The following FAIM2 variants were observed in gnomAD, a reference collection of about 807,000 sequenced individuals.
The protein encoded by FAIM2 is Fas apoptotic inhibitory molecule 2, also known as protein lifeguard 2.
FAIM2 carries 27 observed loss-of-function variants against 47.4 expected under a neutral mutation model. That is an observed-to-expected ratio of 0.57 (90% confidence interval 0.42 to 0.78). The LOEUF is 0.78. Among genes scored for constraint, FAIM2 ranks in the 30% least tolerant of loss-of-function variants. The pLI is 0.00. For missense variants in FAIM2, 311 were observed against 389.4 expected, an observed-to-expected ratio of 0.80 and a Z score of 1.69; for synonymous variants, 156 against 159.3, an observed-to-expected ratio of 0.98 and a Z score of 0.16.
rs74356067 is a variant in FAIM2, at chr12:49,895,027, G to C, written c.434+2004C>G. Among the ~76,000 whole-genome samples the C allele has an allele frequency of 2.8e-3, 420 of 151,476 alleles. 15 individuals are homozygous for C. In the East Asian group the frequency reaches 0.07, roughly 25 times the overall value. The stretch of plus-strand genomic sequence containing the variant: ...GGACTCAGACACGAGGCCAACTTAG[G>C]GGGCAGGACGGAGAGAGCTGAGGGG... On this transcript the variant is annotated intron_variant, in intron 5 of 11. Coordinates refer to ENST00000320634, the MANE Select transcript of FAIM2 (RefSeq NM_012306.4).
intron 2 of FAIM2, 90 bp downstream of exon 2, chr12:49,901,040 C>CT: frequency 1.9e-6 from 2 of 1,047,752 alleles, no homozygotes. Flanking sequence ...CAGTGTACCT[C>CT]TTTCTGGACA....
At chr12:49,871,918 G>A (rs1449984018) in intron 11 of FAIM2, among the ~76,000 whole-genome samples, 1 of 152,026 alleles carries the variant, frequency 6.6e-6, no homozygotes, top group African/African-American at 2.4e-5. Context: ...TGCCCGCCTC[G>A]GCCTCTCAAA....
At chr12:49,899,295 C>T (rs1268045362) in intron 2 of FAIM2, among the ~76,000 whole-genome samples, 1 of 152,154 alleles carries the variant, frequency 6.6e-6, no homozygotes, top group Non-Finnish European at 1.5e-5. Context: ...TTTTGTCCCT[C>T]CACTGTCCCC....
At chr12:49,887,790 C>T (rs541646834) in intron 10 of FAIM2, among the ~76,000 whole-genome samples, 5 of 152,252 alleles carry the variant, frequency 3.3e-5, no homozygotes, top group East Asian at 1.9e-4. Flanking sequence ...TCCCAGTGTG[C>T]GTTCATCCCT....
At chr12:49,878,600 G>GTGTGCATGTGTGTGCA (rs1565613367) in intron 11 of FAIM2, among the ~76,000 whole-genome samples, 2 of 124,328 alleles carry the variant, frequency 1.6e-5, no homozygotes, top group African/African-American at 6.7e-5. Flanking sequence ...GTATGTGTAT[G>GTGTGCATGTGTGTGCA]TGTGCATGTG....
intron 1 of FAIM2, among the ~76,000 whole-genome samples, chr12:49,903,323 T>G (rs1592797193): frequency 6.6e-6 from 1 of 151,038 alleles, no homozygotes; most frequent in Admixed American, 6.6e-5. Context: ...GGGAGTAGGG[T>G]GGGGGTTGTT....
In FAIM2 at chr12:49,874,969, A is replaced by G. The variant is rs1946725981; in HGVS notation, c.802-4316T>C. Among the ~76,000 whole-genome samples the G allele has an allele frequency of 6.6e-6, 1 of 152,206 alleles. No homozygotes were observed. The highest frequency in any genetic ancestry group is 2.1e-4 in the South Asian group (1 of 4,832). On this transcript the variant is annotated intron_variant, in intron 11 of 11. Coordinates refer to ENST00000320634, the MANE Select transcript of FAIM2 (RefSeq NM_012306.4). The surrounding 1 kb of genome is among the most constrained non-coding windows in gnomAD (Gnocchi z 4.2). Reference sequence around the variant, plus strand: ...CTATATCGTATGATCCCATAAAACTATACACGTCAGAGGAGCGCACATAGC... The same window carrying G: ...CTATATCGTATGATCCCATAAAACTGTACACGTCAGAGGAGCGCACATAGC...
At chr12:49,873,995 A>G (rs889117918) in intron 11 of FAIM2, among the ~76,000 whole-genome samples, 4 of 152,250 alleles carry the variant, frequency 2.6e-5, no homozygotes, top group African/African-American at 9.6e-5. Flanking sequence ...TACAGGGGAA[A>G]GTCATCTGCT....
At chr12:49,879,492 ATG>A (rs1946784948) in intron 11 of FAIM2, among the ~76,000 whole-genome samples, 1 of 9,648 alleles carries the variant, frequency 1.0e-4, no homozygotes, top group African/African-American at 1.1e-3. Flanking sequence ...ATGTGAGTGT[ATG>A]TGTGTATATG....
At chr12:49,871,638 G>A (rs1330465033) in intron 11 of FAIM2, among the ~76,000 whole-genome samples, 1 of 151,722 alleles carries the variant, frequency 6.6e-6, no homozygotes, top group Non-Finnish European at 1.5e-5. Flanking sequence ...ATCCACGTGG[G>A]ATTGGAATTT....
chr12:49,875,473 G>A (rs1030629773), intron 11 of FAIM2, among the ~76,000 whole-genome samples: 1 of 151,918 alleles, frequency 6.6e-6, no homozygotes, highest in African/African-American at 2.4e-5. Flanking sequence ...GGAGATCTGG[G>A]GCCCATTTCT....
chr12:49,872,570 C>A (rs940357783), intron 11 of FAIM2, among the ~76,000 whole-genome samples: 1 of 152,172 alleles, frequency 6.6e-6, no homozygotes. Context: ...GAATCCTAGT[C>A]GAATCCCAGC....
chr12:49,896,882 G>A (rs1396322473), intron 5 of FAIM2, 149 bp downstream of exon 5: 4 of 704,362 alleles, frequency 5.7e-6, no homozygotes, highest in Non-Finnish European at 1.0e-5. Context: ...CCGACAGAAT[G>A]GGGCAGGGTT....
chr12:49,900,248 A>G (rs1182721455), intron 2 of FAIM2: 1 of 1,274,852 alleles, frequency 7.8e-7, no homozygotes, highest in African/African-American at 1.5e-5. Flanking sequence ...CATGGTGGCT[A>G]CTCCCTATGA....
At chr12:49,879,022 ATGTG>A (rs1260264670) in intron 11 of FAIM2, among the ~76,000 whole-genome samples, 4 of 121,674 alleles carry the variant, frequency 3.3e-5, no homozygotes, top group South Asian at 2.9e-4. Context: ...GTGTATGTGT[ATGTG>A]TGTGTCTGTG....
chr12:49,878,386 ATATGTG>A lies in FAIM2; in HGVS notation c.802-7739_802-7734del, dbSNP rs146914644. 1.1e-4 allele frequency among the ~76,000 whole-genome samples: 3 copies of A among 26,124 alleles called. 1 individual carries two copies. In the South Asian group the frequency reaches 3.5e-3, roughly 31 times the overall value. 17.1% of individuals were successfully genotyped at this position (26,124 alleles called of 152,430 possible). On this transcript the variant is annotated intron_variant, in intron 11 of 11. Coordinates refer to ENST00000320634, the MANE Select transcript of FAIM2 (RefSeq NM_012306.4). ...TATATGTGGGCATGTGCATGTGTGT[ATATGTG>A]TGTGTCTGTGTGCATGTGAGTGTAT...
chr12:49,886,772 G>C (rs79270562), intron 11 of FAIM2, among the ~76,000 whole-genome samples: 2 of 151,942 alleles, frequency 1.3e-5, no homozygotes, highest in African/African-American at 2.4e-5. Context: ...CACCGTGACC[G>C]GCCTCCCCAT....
At chr12:49,897,701 G>A in intron 3 of FAIM2, 118 bp from the exon 4 acceptor site, 4 of 756,720 alleles carry the variant, frequency 5.3e-6, no homozygotes, top group East Asian at 2.6e-5. Context: ...TCCTTTTTGG[G>A]GGTCATTGGA....
At position 49,870,466 on chromosome 12, in the gene FAIM2, G is replaced by T; in HGVS notation, c.*38C>A. 6.3e-7 allele frequency: 1 copy of T among 1,597,220 alleles called. No individual in the cohort carries two copies. Among genetic ancestry groups the T allele is most frequent in the Non-Finnish European group, 8.6e-7 (1 of 1,167,252 alleles). On this transcript the variant is annotated 3_prime_UTR_variant, in exon 12 of 12. Coordinates refer to ENST00000320634, the MANE Select transcript of FAIM2 (RefSeq NM_012306.4). ...GGGGAGGGACAGGGAACCAGGAGGG[G>T]CGCATTCTCTGGAGGACGGTGGGGC...
Sources: allele counts gnomAD v4.1 joint callset (sites outside exome capture counted in the v4.1 genomes callset), GRCh38; gene constraint gnomAD v4.1.1; non-coding constraint Gnocchi (gnomAD v3.1); transcripts MANE v1.5; gene names NCBI Gene and HGNC (gene_info 2026-07-23, HGNC 2026-07-21).